Variants in KRTAP1-3 observed in about 807,000 individuals in gnomAD.
The protein encoded by KRTAP1-3 is keratin-associated protein 1-3.
A neutral mutation model predicts 11.8 loss-of-function variants in KRTAP1-3; 10 were observed. That is an observed-to-expected ratio of 0.85 (90% CI 0.52 to 1.44). The LOEUF (loss-of-function observed/expected upper bound fraction) is 1.44. Ranked by LOEUF, KRTAP1-3 falls within the 40% of genes most tolerant of loss-of-function variation. The pLI is 0.00. For missense variants in KRTAP1-3, 176 were observed against 217.2 expected, an observed-to-expected ratio of 0.81 and a Z score of 1.19; for synonymous variants, 74 against 77.3, an observed-to-expected ratio of 0.96 and a Z score of 0.23.
At position 41,034,610 on chromosome 17, in the gene KRTAP1-3, C is replaced by A. The variant is rs761491246; in HGVS notation, c.212G>T (p.Cys71Phe). The change falls in exon 1 of 1, where the codon TGC (cysteine) becomes TTC (phenylalanine). Residue 71 changes from cysteine to phenylalanine, a missense_variant. Cys to Phe is a radical substitution (Grantham distance 205). Coordinates refer to ENST00000344363, the MANE Select transcript of KRTAP1-3 (RefSeq NM_030966.2). ...GCTGGTCTGGCAGCAGCTTGGCTGG[C>A]AGCAGCTGGTCTCACAGCAGCTTGG... ...CQPSCCETSC[C>F]QPSCCQTSSC... 2 of 1,613,308 alleles carry A rather than the reference C, an allele frequency of 1.2e-6. No individual in the cohort carries two copies. The highest frequency in any genetic ancestry group is 1.1e-5 in the South Asian group (1 of 91,046).
Position 41,034,488 on chromosome 17 carries a change from C to G in KRTAP1-3, c.334G>C (p.Asp112His), listed in dbSNP as rs191305401. 6.2e-7 allele frequency: 1 copy of G among 1,613,452 alleles called. No homozygotes were observed. Among genetic ancestry groups the G allele is most frequent in the Admixed American group, 1.7e-5 (1 of 59,998 alleles). The change falls in exon 1 of 1, where the codon GAC becomes CAC. Residue 112 changes from aspartate to histidine, a missense_variant. Asp to His is a moderately conservative substitution (Grantham distance 81, BLOSUM62 -1). Transcript: ENST00000344363. ...AGGCAGGTACCCTCCACACGGCAGTCTGGGCGGCACCACCTGATACGGGTG... is the reference window on the plus strand; with the variant it reads ...AGGCAGGTACCCTCCACACGGCAGTGTGGGCGGCACCACCTGATACGGGTG... ...VSTRIRWCRP[D>H]CRVEGTCLPP...
Position 41,034,051 on chromosome 17 carries a change from C to T in KRTAP1-3, c.*267G>A, listed in dbSNP as rs2012507197. 2.0e-6 allele frequency: 1 copy of T among 501,752 alleles called. No individual in the cohort carries two copies. Among genetic ancestry groups the T allele is most frequent in the South Asian group, 4.3e-5 (1 of 23,360 alleles). The allele number at this position is 501,752 out of a possible 1,614,324, so 31.1% of individuals were successfully genotyped here. A position where few individuals can be genotyped will look rare whatever the true frequency, so the allele number is the denominator to read the frequency against. On this transcript the variant is annotated 3_prime_UTR_variant, in exon 1 of 1. Transcript: ENST00000344363. ...GAGACTCAGAGCGTGGGCTTCAATG[C>T]TTGCAAAGGCTCAGTTTCAAGGTAA...
Position 41,034,231 on chromosome 17 carries a change from C to G in KRTAP1-3, c.*87G>C. ...ACAAAGAAAGGTTGAAGAATTTGTTCGTTGTCCATAAGTGCTTGAAGAAAT... is the reference window on the plus strand; with the variant it reads ...ACAAAGAAAGGTTGAAGAATTTGTTGGTTGTCCATAAGTGCTTGAAGAAAT... On this transcript the variant is annotated 3_prime_UTR_variant, in exon 1 of 1. Coordinates refer to ENST00000344363, the MANE Select transcript of KRTAP1-3 (RefSeq NM_030966.2). The G allele has an allele frequency of 3.4e-6, 5 of 1,469,008 alleles. No individual in the cohort carries two copies. The highest frequency in any genetic ancestry group is 2.8e-5 in the South Asian group (2 of 70,328). 91.0% of individuals were successfully genotyped at this position (1,469,008 alleles called of 1,614,324 possible). A position where few individuals can be genotyped will look rare whatever the true frequency, so the allele number is the denominator to read the frequency against.
rs565265884 is a variant in KRTAP1-3 at position 41,034,080 on chromosome 17, G to A, written c.*238C>T. 1.0e-5 allele frequency: 6 copies of A among 577,786 alleles called. No individual in the cohort carries two copies. Among genetic ancestry groups the A allele is most frequent in the East Asian group, 6.1e-5 (2 of 32,962 alleles). The allele number at this position is 577,786 out of a possible 1,614,324, so 35.8% of individuals were successfully genotyped here. A position where few individuals can be genotyped will look rare whatever the true frequency, so the allele number is the denominator to read the frequency against. On this transcript the variant is annotated 3_prime_UTR_variant, in exon 1 of 1. Coordinates refer to ENST00000344363, the MANE Select transcript of KRTAP1-3 (RefSeq NM_030966.2). ...CAAAGGCTCAGTTTCAAGGTAAATC[G>A]GCTTTTTCATTTCTTGGGTCAAATT...
In KRTAP1-3 at chr17:41,034,081, G is replaced by T; in HGVS notation, c.*237C>A. The T allele has an allele frequency of 1.7e-6, 1 of 589,956 alleles. No homozygotes were observed. The highest frequency in any genetic ancestry group is 2.7e-6 in the Non-Finnish European group (1 of 363,654). 36.5% of individuals were successfully genotyped at this position (589,956 alleles called of 1,614,324 possible). A position where few individuals can be genotyped will look rare whatever the true frequency, so the allele number is the denominator to read the frequency against. ...AAAGGCTCAGTTTCAAGGTAAATCG[G>T]CTTTTTCATTTCTTGGGTCAAATTT... On this transcript the variant is annotated 3_prime_UTR_variant, in exon 1 of 1. Coordinates refer to ENST00000344363, the MANE Select transcript of KRTAP1-3 (RefSeq NM_030966.2).
rs1394358801 is a variant in KRTAP1-3, at chr17:41,034,609, G to A, written c.213C>T (p.Cys71=). The A allele has an allele frequency of 6.2e-7, 1 of 1,613,128 alleles. No individual in the cohort carries two copies. Among genetic ancestry groups the A allele is most frequent in the Non-Finnish European group, 8.5e-7 (1 of 1,179,780 alleles). The change falls in exon 1 of 1, where the codon TGC becomes TGT. Residue 71 remains cysteine (C), a synonymous_variant. Coordinates refer to ENST00000344363, the MANE Select transcript of KRTAP1-3 (RefSeq NM_030966.2). ...AGCTGGTCTGGCAGCAGCTTGGCTG[G>A]CAGCAGCTGGTCTCACAGCAGCTTG... ...CQPSCCETSC[C]QPSCCQTSSC...
At position 41,034,409 on chromosome 17, in the gene KRTAP1-3, T is replaced by C. The variant is rs2012516957; in HGVS notation, c.413A>G (p.His138Arg). The C allele has an allele frequency of 1.2e-6, 2 of 1,613,398 alleles. No homozygotes were observed. The highest frequency in any genetic ancestry group is 1.3e-5 in the African/African-American group (1 of 74,866). Residue 138 changes from histidine (H) to arginine (R), a missense_variant, in exon 1 of 1, where the codon CAC becomes CGC. Coordinates refer to ENST00000344363, the MANE Select transcript of KRTAP1-3 (RefSeq NM_030966.2). ...TGGGCGGCAGCAGGAGGCCTCGGCG[T>C]GGTGCAGCTGGCAGCAGGTTGGGGG... The part of the protein sequence containing the change: ...CTPPTCCQLH[H>R]AEASCCRPSY...
At position 41,034,124 on chromosome 17, in the gene KRTAP1-3, G is replaced by T; in HGVS notation, c.*194C>A. On this transcript the variant is annotated 3_prime_UTR_variant, in exon 1 of 1. Coordinates refer to ENST00000344363, the MANE Select transcript of KRTAP1-3 (RefSeq NM_030966.2). ...TCAAATTTGTATTTTGGCGTCCTCA[G>T]AGAGAAGAGTAAGGTCTTTCTGGAA... 1.3e-6 allele frequency: 1 copy of T among 768,060 alleles called. No homozygotes were observed. The highest frequency in any genetic ancestry group is 2.0e-6 in the Non-Finnish European group (1 of 511,626). 47.6% of individuals were successfully genotyped at this position (768,060 alleles called of 1,614,324 possible). A position where few individuals can be genotyped will look rare whatever the true frequency, so the allele number is the denominator to read the frequency against.
chr17:41,034,445 AC>A lies in KRTAP1-3; in HGVS notation c.376del (p.Val126Ter). 6.2e-7 allele frequency: 1 copy of A among 1,613,726 alleles called. No homozygotes were observed. Among genetic ancestry groups the A allele is most frequent in the South Asian group, 1.1e-5 (1 of 91,044 alleles). On this transcript the variant is annotated frameshift_variant, in exon 1 of 1. Transcript: ENST00000344363. LOFTEE classifies it high-confidence loss of function. Reference protein sequence around the residue: ...EGTCLPPCCVVSCTPPTCCQL... With the variant: ...EGTCLPPCCVXSCTPPTCCQL... ...GCAGCAGGTTGGGGGTGTGCAGCTC[AC>A]CACACAGCAGGGGGGCAGGCAGGTA...
rs1053598236 is a variant in KRTAP1-3, at chr17:41,034,064, A to G, written c.*254T>C. ...TGGGCTTCAATGCTTGCAAAGGCTC[A>G]GTTTCAAGGTAAATCGGCTTTTTCA... On this transcript the variant is annotated 3_prime_UTR_variant, in exon 1 of 1. Coordinates refer to ENST00000344363, the MANE Select transcript of KRTAP1-3 (RefSeq NM_030966.2). The G allele has an allele frequency of 9.4e-6, 5 of 533,978 alleles. No homozygotes were observed. In the African/African-American group the frequency reaches 9.6e-5, roughly 10 times the overall value. 33.1% of individuals were successfully genotyped at this position (533,978 alleles called of 1,614,324 possible). A position where few individuals can be genotyped will look rare whatever the true frequency, so the allele number is the denominator to read the frequency against.
At position 41,034,548 on chromosome 17, in the gene KRTAP1-3, C is replaced by T. The variant is rs750391371; in HGVS notation, c.274G>A (p.Gly92Ser). ...GTGCGIGGGI[G>S]YGQEGSSGAV... is the part of the protein sequence containing the mutation. Reference sequence around the variant, plus strand: ...CCACTGCTGCCCTCCTGGCCATAGCCAATGCCACCACCAATGCCACAGCCA... The same window carrying T: ...CCACTGCTGCCCTCCTGGCCATAGCTAATGCCACCACCAATGCCACAGCCA... Residue 92 changes from glycine to serine, a missense_variant, in exon 1 of 1, where the codon GGC becomes AGC. By Grantham distance (56) the Gly-to-Ser change is moderately conservative. Coordinates refer to ENST00000344363, the MANE Select transcript of KRTAP1-3 (RefSeq NM_030966.2). 81 of 1,612,858 alleles carry T rather than the reference C, an allele frequency of 5.0e-5. No individual in the cohort carries two copies. Among genetic ancestry groups the T allele is most frequent in the Non-Finnish European group, 6.3e-5 (74 of 1,179,978 alleles).
In KRTAP1-3 at chr17:41,034,424, C is replaced by T; in HGVS notation, c.398G>A (p.Cys133Tyr). The T allele has an allele frequency of 6.2e-7, 1 of 1,613,688 alleles. No homozygotes were observed. Among genetic ancestry groups the T allele is most frequent in the South Asian group, 1.1e-5 (1 of 91,036 alleles). Residue 133 changes from cysteine to tyrosine, a missense_variant, in exon 1 of 1, where the codon TGC (cysteine) becomes TAC (tyrosine). Coordinates refer to ENST00000344363, the MANE Select transcript of KRTAP1-3 (RefSeq NM_030966.2). ...GGCCTCGGCGTGGTGCAGCTGGCAG[C>T]AGGTTGGGGGTGTGCAGCTCACCAC... ...CCVVSCTPPT[C>Y]CQLHHAEASC... is the part of the protein sequence containing the mutation.
Position 41,034,486 on chromosome 17 carries a change from G to A in KRTAP1-3, c.336C>T (p.Asp112=), listed in dbSNP as rs748336398. Residue 112 remains aspartate (D), a synonymous_variant, in exon 1 of 1, where the codon GAC becomes GAT. Coordinates refer to ENST00000344363, the MANE Select transcript of KRTAP1-3 (RefSeq NM_030966.2). ...VSTRIRWCRP[D]CRVEGTCLPP... is the part of the protein sequence containing the mutation. ...GCAGGCAGGTACCCTCCACACGGCA[G>A]TCTGGGCGGCACCACCTGATACGGG... 7 of 1,613,516 alleles carry A rather than the reference G, an allele frequency of 4.3e-6. No individual in the cohort carries two copies. Among genetic ancestry groups the A allele is most frequent in the Non-Finnish European group, 5.9e-6 (7 of 1,180,010 alleles).
At position 41,034,291 on chromosome 17, in the gene KRTAP1-3, T is replaced by C; in HGVS notation, c.*27A>G. ...ATGAATGGAACTGAAAGTGGAAATTTCAAGTTGAAAATCAGCAAACTGGCT... is the reference window on the plus strand; with the variant it reads ...ATGAATGGAACTGAAAGTGGAAATTCCAAGTTGAAAATCAGCAAACTGGCT... On this transcript the variant is annotated 3_prime_UTR_variant, in exon 1 of 1. Coordinates refer to ENST00000344363, the MANE Select transcript of KRTAP1-3 (RefSeq NM_030966.2). 1 of 1,528,794 alleles carries C rather than the reference T, an allele frequency of 6.5e-7. No individual in the cohort carries two copies. Among genetic ancestry groups the C allele is most frequent in the Non-Finnish European group, 8.8e-7 (1 of 1,138,406 alleles). 94.7% of individuals were successfully genotyped at this position (1,528,794 alleles called of 1,614,324 possible). A position where few individuals can be genotyped will look rare whatever the true frequency, so the allele number is the denominator to read the frequency against.
Position 41,034,812 on chromosome 17 carries a change from A to C in KRTAP1-3, c.10T>G (p.Cys4Gly), listed in dbSNP as rs1387206765. 6.2e-7 allele frequency: 1 copy of C among 1,614,174 alleles called. No homozygotes were observed. The highest frequency in any genetic ancestry group is 8.5e-7 in the Non-Finnish European group (1 of 1,180,028). Residue 4 changes from cysteine to glycine, a missense_variant, in exon 1 of 1, where the codon TGC becomes GGC. By Grantham distance (159) the Cys-to-Gly change is radical. Transcript: ENST00000344363. ...GGATATCCACAGAAGCTGGTCTGGC[A>C]GCAGGTCATGGTGTTGGGAGCTGGT... MTC[C>G]QTSFCGYPSC...
rs764907705 is a variant in KRTAP1-3 at position 41,034,375 on chromosome 17, A to G, written c.447T>C (p.Cys149=). 19 of 1,611,028 alleles carry G rather than the reference A, an allele frequency of 1.2e-5. No individual in the cohort carries two copies. In the Admixed American group the frequency reaches 1.8e-4, roughly 16 times the overall value. Residue 149 remains cysteine (C), a synonymous_variant, in exon 1 of 1, where the codon TGT becomes TGC. Coordinates refer to ENST00000344363, the MANE Select transcript of KRTAP1-3 (RefSeq NM_030966.2). ...AGACTGGGCGGCAGCAGGACTGTCC[A>G]CAGTAGGATGGGCGGCAGCAGGAGG... ...AEASCCRPSY[C]GQSCCRPVCC...
In KRTAP1-3 at chr17:41,034,405, G is replaced by T; in HGVS notation, c.417C>A (p.Ala139=). ...TPPTCCQLHH[A]EASCCRPSYC... is the part of the protein sequence containing the mutation. ...AGGATGGGCGGCAGCAGGAGGCCTC[G>T]GCGTGGTGCAGCTGGCAGCAGGTTG... The change falls in exon 1 of 1, where the codon GCC becomes GCA. Residue 139 remains alanine (A), a synonymous_variant. Transcript: ENST00000344363. The T allele has an allele frequency of 1.2e-6, 2 of 1,613,406 alleles. No individual in the cohort carries two copies. The highest frequency in any genetic ancestry group is 1.7e-6 in the Non-Finnish European group (2 of 1,179,642).
rs1320509203 is a variant in KRTAP1-3 at position 41,034,852 on chromosome 17, G to T, written c.-31C>A. On this transcript the variant is annotated 5_prime_UTR_variant, in exon 1 of 1. Transcript: ENST00000344363. ...TGGGAGCTGGTATGAAGTCTGGGTT[G>T]CTTGGAGGAGTTTCTGAGTTTTGGT... 8 of 1,608,400 alleles carry T rather than the reference G, an allele frequency of 5.0e-6. No homozygotes were observed. Among genetic ancestry groups the T allele is most frequent in the Non-Finnish European group, 5.1e-6 (6 of 1,175,798 alleles).
At position 41,034,170 on chromosome 17, in the gene KRTAP1-3, C is replaced by G; in HGVS notation, c.*148G>C. The G allele has an allele frequency of 9.1e-7, 1 of 1,100,406 alleles. No homozygotes were observed. Among genetic ancestry groups the G allele is most frequent in the Non-Finnish European group, 1.3e-6 (1 of 792,540 alleles). 68.2% of individuals were successfully genotyped at this position (1,100,406 alleles called of 1,614,324 possible). On this transcript the variant is annotated 3_prime_UTR_variant, in exon 1 of 1. Transcript: ENST00000344363. ...TGGAATTGAAAGGAATCAGATAATT[C>G]TGAGGCCAAAATATTTGGTAACCCC... is the stretch of plus-strand genomic sequence containing the variant.
Sources: allele counts gnomAD v4.1 joint callset, GRCh38; gene constraint gnomAD v4.1.1; transcripts MANE v1.5; gene names NCBI Gene and HGNC (gene_info 2026-07-23, HGNC 2026-07-21).